Variants in MAGI1 observed in about 807,000 individuals in gnomAD.
MAGI1 encodes membrane associated guanylate kinase, WW and PDZ domain containing 1.
MAGI1 carries 58 observed loss-of-function variants against 139.9 expected under a neutral mutation model. The observed-to-expected ratio is 0.41, with a 90% CI of 0.34 to 0.52. MAGI1 has a LOEUF of 0.52. MAGI1 is among the 20% of genes least tolerant of loss of function. MAGI1 has a pLI of 0.12. For missense variants in MAGI1, 1,874 were observed against 1,901.6 expected (o/e 0.99, Z 0.27); for synonymous variants, 812 against 737.9 (o/e 1.10, Z -1.63).
intron 2 of MAGI1, among the ~76,000 whole-genome samples, chr3:65,614,373 T>A (rs1219555307): frequency 6.6e-6 from 1 of 152,204 alleles, no homozygotes; most frequent in African/African-American, 2.4e-5. Context: ...TCTATCAGAC[T>A]GAAATCAAAC....
intron 12 of MAGI1, among the ~76,000 whole-genome samples, chr3:65,423,471 A>C (rs1333911240): frequency 6.6e-6 from 1 of 152,220 alleles, no homozygotes; most frequent in Non-Finnish European, 1.5e-5. Context: ...TGGATCAATG[A>C]CGATTTAATG....
At chr3:65,530,836 T>TACACAC (rs35006124) in intron 2 of MAGI1, among the ~76,000 whole-genome samples, 8 of 90,830 alleles carry the variant, frequency 8.8e-5, no homozygotes, top group East Asian at 3.0e-4. Context: ...TATATATATA[T>TACACAC]ATACACACAC....
At chr3:65,444,379 T>C (rs1948539767) in intron 7 of MAGI1, among the ~76,000 whole-genome samples, 1 of 151,954 alleles carries the variant, frequency 6.6e-6, no homozygotes, top group South Asian at 2.1e-4. Flanking sequence ...AAATCGAAGA[T>C]TAAAAAAATG....
intron 1 of MAGI1, among the ~76,000 whole-genome samples, chr3:65,942,393 C>A (rs375414558): frequency 6.6e-6 from 1 of 152,084 alleles, no homozygotes; most frequent in Non-Finnish European, 1.5e-5. Context: ...GAACTACTAT[C>A]TTTTAGTAGC....
intron 1 of MAGI1, among the ~76,000 whole-genome samples, chr3:65,688,934 C>T (rs565295010): frequency 9.1e-4 from 138 of 152,224 alleles, no homozygotes; most frequent in African/African-American, 2.9e-3. Context: ...TCTGTTTGTA[C>T]CTTTATTTTT....
At chr3:65,763,638 G>C (rs2037219822) in intron 1 of MAGI1, among the ~76,000 whole-genome samples, 1 of 151,822 alleles carries the variant, frequency 6.6e-6, no homozygotes, top group African/African-American at 2.4e-5. Context: ...TTCCAACCCA[G>C]ACTGTCTGAA....
At chr3:65,754,686 C>T (rs1011116299) in intron 1 of MAGI1, among the ~76,000 whole-genome samples, 1 of 152,180 alleles carries the variant, frequency 6.6e-6, no homozygotes, top group African/African-American at 2.4e-5. Context: ...AGAAGGCCCA[C>T]TGGGTTTTCA....
At chr3:65,816,033 T>C (rs2041580383) in intron 1 of MAGI1, among the ~76,000 whole-genome samples, 1 of 152,192 alleles carries the variant, frequency 6.6e-6, no homozygotes, top group South Asian at 2.1e-4. Context: ...TCTACAATGG[T>C]AGTTGTGAAA....
chr3:66,020,154 T>C (rs1413381033), intron 1 of MAGI1, among the ~76,000 whole-genome samples: 9 of 152,194 alleles, frequency 5.9e-5, no homozygotes, highest in Admixed American at 5.2e-4. Flanking sequence ...ATAAGAGCCA[T>C]CTTGGCCGGG....
At position 65,356,936 on chromosome 3, in the gene MAGI1, A is replaced by C. The variant is rs754970655; in HGVS notation, c.3831T>G (p.Asn1277Lys). 55 of 1,613,944 alleles carry C rather than the reference A, an allele frequency of 3.4e-5. No homozygotes were observed. The highest frequency in any genetic ancestry group is 4.2e-5 in the Non-Finnish European group (50 of 1,180,004). ...KGSREYSRQP[N>K]EHHTWNGTSR... ...AAGTCCCATTCCAGGTGTGGTGTTC[A>C]TTGGGTTGTCTGCTATACTCTCTGC... The change falls in exon 23 of 23, where the codon AAT (asparagine) becomes AAG (lysine). Residue 1277 changes from asparagine (N) to lysine (K), a missense_variant. Asn to Lys is a moderately conservative substitution (Grantham distance 94, BLOSUM62 0). Around this residue, in one of 5 missense-constraint regions of MAGI1, gnomAD observed 653 missense variants for 644.5 expected, o/e 1.01. Coordinates refer to ENST00000402939, the MANE Select transcript of MAGI1 (RefSeq NM_001033057.2).
At chr3:65,881,554 G>A (rs1287071332) in intron 1 of MAGI1, among the ~76,000 whole-genome samples, 1 of 151,992 alleles carries the variant, frequency 6.6e-6, no homozygotes, top group Non-Finnish European at 1.5e-5. Context: ...TTGTGCCCAG[G>A]CGTTGGAGGC....
At chr3:65,534,981 G>A (rs2078895339) in intron 2 of MAGI1, among the ~76,000 whole-genome samples, 2 of 152,014 alleles carry the variant, frequency 1.3e-5, no homozygotes, top group African/African-American at 2.4e-5. Context: ...CTCTCCATGT[G>A]GGGGACAAGG....
At chr3:66,011,829 G>A (rs2067334540) in intron 1 of MAGI1, among the ~76,000 whole-genome samples, 3 of 145,576 alleles carry the variant, frequency 2.1e-5, no homozygotes, top group Non-Finnish European at 3.0e-5. Flanking sequence ...CAGACAATAT[G>A]CTGAACCAAA....
intron 1 of MAGI1, among the ~76,000 whole-genome samples, chr3:65,997,939 A>G (rs1196349968): frequency 1.3e-5 from 2 of 151,660 alleles, no homozygotes; most frequent in African/African-American, 4.8e-5. Context: ...TGGGTGTATC[A>G]CTTGAGGTCA....
chr3:65,612,903 A>C (rs1347249950), intron 2 of MAGI1, among the ~76,000 whole-genome samples: 1 of 152,208 alleles, frequency 6.6e-6, no homozygotes, highest in Non-Finnish European at 1.5e-5. Context: ...AATTGCAACA[A>C]ATCTTGATGG....
chr3:65,601,263 T>C, intron 2 of MAGI1, among the ~76,000 whole-genome samples: 1 of 152,240 alleles, frequency 6.6e-6, no homozygotes, highest in South Asian at 2.1e-4. Flanking sequence ...GGTTTTATAG[T>C]TTGTTTGTTT....
intron 2 of MAGI1, among the ~76,000 whole-genome samples, chr3:65,590,823 G>A (rs758566514): frequency 1.1e-4 from 16 of 152,014 alleles, no homozygotes; most frequent in Admixed American, 3.9e-4. Flanking sequence ...ATGAACTTGC[G>A]GTAAAGACTA....
At chr3:65,826,343 A>AT (rs2042228945) in intron 1 of MAGI1, among the ~76,000 whole-genome samples, 1 of 152,232 alleles carries the variant, frequency 6.6e-6, no homozygotes, top group African/African-American at 2.4e-5. Flanking sequence ...CAATGCCAGT[A>AT]TTATGAGCTA....
intron 9 of MAGI1, among the ~76,000 whole-genome samples, 156 bp downstream of exon 9, chr3:65,439,723 A>G (rs542957211): frequency 1.4e-4 from 21 of 152,160 alleles, no homozygotes; most frequent in Non-Finnish European, 2.8e-4. Context: ...GAACATGGAG[A>G]GGGGGTTCTC....
Sources: allele counts gnomAD v4.1 joint callset (sites outside exome capture counted in the v4.1 genomes callset), GRCh38; gene constraint gnomAD v4.1.1; regional missense constraint gnomAD v4.1.1; transcripts MANE v1.5; gene names NCBI Gene and HGNC (gene_info 2026-07-23, HGNC 2026-07-21).